The following METTL15 variants were observed in gnomAD, a reference collection of about 807,000 sequenced individuals.
The protein encoded by METTL15 is methyltransferase 15, mitochondrial 12S rRNA N4-cytidine, also known as 12S rRNA N(4)-cytidine methyltransferase METTL15.
A neutral mutation model predicts 38.3 loss-of-function variants in METTL15; 34 were observed. That is an observed-to-expected ratio of 0.89 (90% CI 0.68 to 1.18). The LOEUF (loss-of-function observed/expected upper bound fraction) is 1.18. Ranked by LOEUF, METTL15 falls within the 50% of genes most tolerant of loss-of-function variation. The pLI is 0.00. For synonymous variants in METTL15, 162 were observed against 170.9 expected (o/e 0.95, Z 0.41); for missense variants, 438 against 498.4 (o/e 0.88, Z 1.15).
At chr11:28,340,268 T>A (rs929839630) in intron 3 of METTL15, among the ~76,000 whole-genome samples, 1 of 152,086 alleles carries the variant, frequency 6.6e-6, no homozygotes, top group African/African-American at 2.4e-5. Flanking sequence ...ACTCTCTAAT[T>A]TCAGTTAAAT....
intron 4 of METTL15, among the ~76,000 whole-genome samples, chr11:28,219,094 C>A (rs1853055723): frequency 6.6e-6 from 1 of 152,080 alleles, no homozygotes. Flanking sequence ...AGGGAGGATT[C>A]CCTCTTTTTC....
At chr11:28,428,158 C>A (rs186809067) in intron 6 of METTL15, among the ~76,000 whole-genome samples, 1 of 152,154 alleles carries the variant, frequency 6.6e-6, no homozygotes, top group African/African-American at 2.4e-5. Flanking sequence ...TGTACTTACA[C>A]AAACCTAGAT....
At chr11:28,190,505 A>G (rs1282397332) in intron 3 of METTL15, among the ~76,000 whole-genome samples, 1 of 151,184 alleles carries the variant, frequency 6.6e-6, no homozygotes, top group Admixed American at 6.6e-5. Flanking sequence ...ATCTTATTTT[A>G]GAATTATTTT....
At chr11:28,321,488 A>ATG (rs1459083532) in intron 6 of METTL15, among the ~76,000 whole-genome samples, 2 of 152,210 alleles carry the variant, frequency 1.3e-5, no homozygotes, top group Non-Finnish European at 2.9e-5. Flanking sequence ...CATGTAACAT[A>ATG]ACCAAGACTT....
rs187038667 is a variant in METTL15 at position 28,232,586 on chromosome 11, C to T, written c.407+21388C>T. Among the ~76,000 whole-genome samples the T allele has an allele frequency of 2.7e-3, 408 of 151,436 alleles. 3 individuals carry two copies. The highest frequency in any genetic ancestry group is 9.5e-3 in the African/African-American group (392 of 41,358). The stretch of plus-strand genomic sequence containing the variant: ...TTAAAAAGTACTTTTTATATGAACA[C>T]GTTTATTTATTTTGTGTCTTCTAGC... On this transcript the variant is annotated intron_variant, in intron 4 of 6. Coordinates refer to ENST00000407364, the MANE Select transcript of METTL15 (RefSeq NM_001113528.2).
intron 1 of METTL15, among the ~76,000 whole-genome samples, chr11:28,108,994 T>C (rs544539234): frequency 6.6e-6 from 1 of 152,348 alleles, no homozygotes; most frequent in South Asian, 2.1e-4. Flanking sequence ...ATTACTGTTA[T>C]TGTATCCATT....
chr11:28,481,437 G>A (rs532437907), intron 6 of METTL15, among the ~76,000 whole-genome samples: 46 of 152,296 alleles, frequency 3.0e-4, no homozygotes, highest in Admixed American at 3.0e-3. Flanking sequence ...GGCGGTAGGA[G>A]ACTGTCAATG....
chr11:28,390,716 T>C (rs964304632), intron 5 of METTL15, among the ~76,000 whole-genome samples: 2 of 150,868 alleles, frequency 1.3e-5, no homozygotes, highest in Admixed American at 6.6e-5. Context: ...ATGCGGACTC[T>C]TTTTTGGTTC....
At chr11:28,530,929 A>G (rs1402219385), downstream of METTL15, among the ~76,000 whole-genome samples, 2 of 152,020 alleles carry the variant, frequency 1.3e-5, no homozygotes, top group East Asian at 3.9e-4. Context: ...ACTTCTTGAC[A>G]GGGAAGGAAT....
chr11:28,430,336 C>G lies in METTL15; in HGVS notation c.*424+5972C>G, dbSNP rs1274618132. On this transcript the variant is annotated intron_variant and NMD_transcript_variant, in intron 6 of 7. Coordinates refer to the METTL15 transcript ENST00000532947. ...TCCGGGAGGGAGGTGAGGGGGTCAG[C>G]CCCCCGCCCGGCCAGCCGTGCCATC... Among the ~76,000 whole-genome samples the G allele has an allele frequency of 6.2e-5, 5 of 80,496 alleles. No individual in the cohort carries two copies. The South Asian group carries it at 2.1e-3, about 33-fold the overall frequency. The allele number at this position is 80,496 out of a possible 152,430, so 52.8% of individuals were successfully genotyped here. A position where few individuals can be genotyped will look rare whatever the true frequency, so the allele number is the denominator to read the frequency against.
intron 6 of METTL15, among the ~76,000 whole-genome samples, chr11:28,470,149 A>T (rs1851290953): frequency 6.6e-6 from 1 of 152,168 alleles, no homozygotes; most frequent in Non-Finnish European, 1.5e-5. Flanking sequence ...CAATCTTTGT[A>T]TTGTTAAAAA....
intron 6 of METTL15, among the ~76,000 whole-genome samples, chr11:28,425,836 T>G (rs187038044): frequency 6.6e-6 from 1 of 152,358 alleles, no homozygotes; most frequent in East Asian, 1.9e-4. Context: ...TAAAATTGTA[T>G]GACCAAGATT....
At chr11:28,210,499 T>G (rs896655533) in intron 3 of METTL15, among the ~76,000 whole-genome samples, 1 of 151,920 alleles carries the variant, frequency 6.6e-6, no homozygotes, top group African/African-American at 2.4e-5. Flanking sequence ...TTTTTTCTTC[T>G]CAGTTCATAT....
chr11:28,274,596 A>T (rs1366296003), intron 4 of METTL15, among the ~76,000 whole-genome samples: 1 of 152,064 alleles, frequency 6.6e-6, no homozygotes, highest in Non-Finnish European at 1.5e-5. Flanking sequence ...AAAAATGTTC[A>T]TTAATTTTAA....
At chr11:28,367,288 A>G (rs1850195839) in intron 5 of METTL15, among the ~76,000 whole-genome samples, 1 of 152,152 alleles carries the variant, frequency 6.6e-6, no homozygotes, top group Admixed American at 6.5e-5. Context: ...GAAAAAAGAT[A>G]TTATGAGCTT....
chr11:28,495,381 A>G (rs1851527446), intron 6 of METTL15, among the ~76,000 whole-genome samples: 1 of 152,160 alleles, frequency 6.6e-6, no homozygotes, highest in South Asian at 2.1e-4. Flanking sequence ...AAAAAGAAAG[A>G]AAAGGACAGA....
chr11:28,164,409 A>T (rs1227767123), intron 3 of METTL15, among the ~76,000 whole-genome samples: 10 of 152,006 alleles, frequency 6.6e-5, no homozygotes, highest in Non-Finnish European at 1.5e-4. Flanking sequence ...AGGAATATGT[A>T]TGTTTCTGCT....
At chr11:28,531,902 G>A (rs1851845138), downstream of METTL15, among the ~76,000 whole-genome samples, 1 of 151,908 alleles carries the variant, frequency 6.6e-6, no homozygotes, top group Admixed American at 6.6e-5. Flanking sequence ...GTTTTATATT[G>A]TGCCTGTGTA....
intron 6 of METTL15, among the ~76,000 whole-genome samples, chr11:28,325,565 CTATT>C (rs936672939): frequency 1.3e-5 from 2 of 152,048 alleles, no homozygotes; most frequent in African/African-American, 4.8e-5. Context: ...TTTCATTTAT[CTATT>C]CATTATCTTT....
Sources: allele counts gnomAD v4.1 joint callset (sites outside exome capture counted in the v4.1 genomes callset), GRCh38; gene constraint gnomAD v4.1.1; transcripts MANE v1.5; gene names NCBI Gene and HGNC (gene_info 2026-07-23, HGNC 2026-07-21).